Variants in ZFYVE28 observed in about 807,000 individuals in gnomAD.
ZFYVE28 encodes zinc finger FYVE-type containing 28, also known as lateral signaling target protein 2 homolog.
A neutral mutation model predicts 82.1 loss-of-function variants in ZFYVE28; 40 were observed. That is an observed-to-expected ratio of 0.49 (90% CI 0.38 to 0.63). The LOEUF is 0.63. Among genes scored for constraint, ZFYVE28 ranks in the 30% least tolerant of loss-of-function variants. ZFYVE28 has a pLI of 0.00. For synonymous variants in ZFYVE28, 612 were observed against 546.1 expected, an observed-to-expected ratio of 1.12 and a Z score of -1.68; for missense variants, 1,321 against 1,242.1, an observed-to-expected ratio of 1.06 and a Z score of -0.96.
chr4:2,306,413 A>C (rs917242183), intron 7 of ZFYVE28, among the ~76,000 whole-genome samples: 1 of 152,082 alleles, frequency 6.6e-6, no homozygotes, highest in Non-Finnish European at 1.5e-5. Context: ...TAGAAGTGAA[A>C]CCCCAACCAG....
At chr4:2,412,435 T>C (rs1397452659) in intron 1 of ZFYVE28, among the ~76,000 whole-genome samples, 2 of 152,054 alleles carry the variant, frequency 1.3e-5, no homozygotes, top group Admixed American at 6.6e-5. Context: ...CTCCCAACAA[T>C]TCCAGAAGGC....
intron 7 of ZFYVE28, among the ~76,000 whole-genome samples, chr4:2,315,372 G>A (rs537762208): frequency 3.3e-5 from 5 of 152,072 alleles, no homozygotes; most frequent in African/African-American, 9.6e-5. Context: ...TGCAACTTCC[G>A]CCTCCCAGGT....
chr4:2,394,735 G>A lies in ZFYVE28; in HGVS notation c.39+23550C>T, dbSNP rs988212589. Among the ~76,000 whole-genome samples, 42 of 152,242 alleles carry A rather than the reference G, an allele frequency of 2.8e-4. No individual in the cohort carries two copies. The highest frequency in any genetic ancestry group is 9.4e-4 in the African/African-American group (39 of 41,464). ...AGGCACCACTCTGCGCAGCTGCATCGATGCCTGACTGCACGTGTGCGTGCT... is the reference window on the plus strand; with the variant it reads ...AGGCACCACTCTGCGCAGCTGCATCAATGCCTGACTGCACGTGTGCGTGCT... On this transcript the variant is annotated intron_variant, in intron 1 of 12. Coordinates refer to ENST00000290974, the MANE Select transcript of ZFYVE28 (RefSeq NM_020972.3). The surrounding 1 kb of genome is among the most constrained non-coding windows in gnomAD (Gnocchi z 4.0).
At chr4:2,391,574 T>A (rs537356450) in intron 1 of ZFYVE28, among the ~76,000 whole-genome samples, 1 of 145,554 alleles carries the variant, frequency 6.9e-6, no homozygotes, top group South Asian at 2.4e-4. Flanking sequence ...TGTACCACCA[T>A]CCCCACCATC....
At position 2,414,599 on chromosome 4, in the gene ZFYVE28, C is replaced by A. The variant is rs1340413756; in HGVS notation, c.39+3686G>T. ...TGGTAACCAGCCACATGGGAACTAC[C>A]CCATCCACCCAGCCAGCATAACCCA... On this transcript the variant is annotated intron_variant, in intron 1 of 12. Transcript: ENST00000290974. 2.0e-5 allele frequency among the ~76,000 whole-genome samples: 3 copies of A among 152,192 alleles called. No individual in the cohort carries two copies. The East Asian group carries it at 5.8e-4, about 29-fold the overall frequency.
intron 8 of ZFYVE28, among the ~76,000 whole-genome samples, chr4:2,298,901 T>C (rs1478425416): frequency 1.3e-5 from 2 of 152,102 alleles, no homozygotes; most frequent in Non-Finnish European, 1.5e-5. Context: ...GCAGGATTGA[T>C]GGCAAAAAAC....
intron 8 of ZFYVE28, chr4:2,286,553 C>T (rs1241046957): frequency 6.6e-6 from 1 of 152,326 alleles, no homozygotes; most frequent in Non-Finnish European, 1.5e-5. Flanking sequence ...GCACAGAACC[C>T]AGCTGTGCTG....
At chr4:2,389,878 A>G (rs1729648765) in intron 1 of ZFYVE28, among the ~76,000 whole-genome samples, 2 of 152,160 alleles carry the variant, frequency 1.3e-5, no homozygotes, top group Non-Finnish European at 2.9e-5. Context: ...GCATGCTGAC[A>G]CAGCGTCCCC....
chr4:2,306,350 G>C (rs1450580219), intron 7 of ZFYVE28, among the ~76,000 whole-genome samples: 1 of 152,256 alleles, frequency 6.6e-6, no homozygotes, highest in African/African-American at 2.4e-5. Context: ...GCTTTGCAGA[G>C]CTGGGCAGAA....
At position 2,305,540 on chromosome 4, in the gene ZFYVE28, C is replaced by T. The variant is rs770526146; in HGVS notation, c.804-4G>A. 50 of 1,612,774 alleles carry T rather than the reference C, an allele frequency of 3.1e-5. No homozygotes were observed. The highest frequency in any genetic ancestry group is 3.0e-4 in the Admixed American group (18 of 59,996). On this transcript the variant is annotated splice_region_variant and splice_polypyrimidine_tract_variant and intron_variant, in intron 7 of 12. Coordinates refer to ENST00000290974, the MANE Select transcript of ZFYVE28 (RefSeq NM_020972.3). Reference sequence around the variant, plus strand: ...CGTCAGCGTCTGCAGCAAATCCCTACGAATCAAGACAAAACCCAAGGGTGA... The same window carrying T: ...CGTCAGCGTCTGCAGCAAATCCCTATGAATCAAGACAAAACCCAAGGGTGA...
At chr4:2,283,244 C>T (rs1301369550) in intron 8 of ZFYVE28, among the ~76,000 whole-genome samples, 1 of 151,768 alleles carries the variant, frequency 6.6e-6, no homozygotes, top group Non-Finnish European at 1.5e-5. Context: ...ATCCATCCAT[C>T]TATCCACCCA....
chr4:2,412,172 C>T (rs1732591964), intron 1 of ZFYVE28, among the ~76,000 whole-genome samples: 1 of 152,182 alleles, frequency 6.6e-6, no homozygotes, highest in Non-Finnish European at 1.5e-5. Flanking sequence ...CGCCACCTAC[C>T]AGAAAAAGGC....
chr4:2,319,845 C>T (rs1327288966), intron 7 of ZFYVE28, among the ~76,000 whole-genome samples: 22 of 91,404 alleles, frequency 2.4e-4, no homozygotes, highest in South Asian at 1.1e-3. Context: ...ACGGTGGGGA[C>T]GGTGGGGATG....
At position 2,310,208 on chromosome 4, in the gene ZFYVE28, T is replaced by C. The variant is rs80006560; in HGVS notation, c.804-4672A>G. Among the ~76,000 whole-genome samples, 981 of 152,134 alleles carry C rather than the reference T, an allele frequency of 6.4e-3. 15 individuals carry two copies. The highest frequency in any genetic ancestry group is 0.023 in the African/African-American group (935 of 41,500). ...TGTGTACCACCATGCTCAACTAATT[T>C]GTAAATTTTTTGTAGAGATCAGGTC... On this transcript the variant is annotated intron_variant, in intron 7 of 12. Coordinates refer to ENST00000290974, the MANE Select transcript of ZFYVE28 (RefSeq NM_020972.3).
At chr4:2,410,306 T>C (rs2108686068) in intron 1 of ZFYVE28, among the ~76,000 whole-genome samples, 1 of 152,290 alleles carries the variant, frequency 6.6e-6, no homozygotes, top group Admixed American at 6.5e-5. Flanking sequence ...ACCGCCGATC[T>C]GCTTTCTGTC....
At chr4:2,272,459 C>T (rs1447446307) in intron 10 of ZFYVE28, among the ~76,000 whole-genome samples, 4 of 152,224 alleles carry the variant, frequency 2.6e-5, no homozygotes, top group Non-Finnish European at 5.9e-5. Flanking sequence ...CCTAACCAGT[C>T]CCTGCCTTCT....
Position 2,399,508 on chromosome 4 carries a change from C to T in ZFYVE28, c.39+18777G>A, listed in dbSNP as rs1010998378. On this transcript the variant is annotated intron_variant, in intron 1 of 12. Coordinates refer to ENST00000290974, the MANE Select transcript of ZFYVE28 (RefSeq NM_020972.3). Reference sequence around the variant, plus strand: ...CTCGCAAGAAAGCACCCAGGAAGGCCGGGGCCTCTGACATCTGGTTTTCTG... The same window carrying T: ...CTCGCAAGAAAGCACCCAGGAAGGCTGGGGCCTCTGACATCTGGTTTTCTG... Among the ~76,000 whole-genome samples, 8 of 152,170 alleles carry T rather than the reference C, an allele frequency of 5.3e-5. No individual in the cohort carries two copies. The South Asian group carries it at 6.2e-4, about 12-fold the overall frequency.
intron 1 of ZFYVE28, among the ~76,000 whole-genome samples, chr4:2,373,793 C>T (rs779746751): frequency 6.6e-6 from 1 of 152,204 alleles, no homozygotes; most frequent in Non-Finnish European, 1.5e-5. Flanking sequence ...GCATACCACA[C>T]GGTTTTAGTA....
In ZFYVE28 at chr4:2,408,277, T is replaced by A. The variant is rs1048464386; in HGVS notation, c.39+10008A>T. On this transcript the variant is annotated intron_variant, in intron 1 of 12. Coordinates refer to ENST00000290974, the MANE Select transcript of ZFYVE28 (RefSeq NM_020972.3). This position sits in a 1 kb window ranked among gnomAD's most constrained non-coding sequence, Gnocchi z 4.3. ...CCAAGAACATCCTACCAAGCCAGCA[T>A]TTCCCTGCATCCCCACACCTGCCCT... Among the ~76,000 whole-genome samples the A allele has an allele frequency of 6.6e-6, 1 of 152,020 alleles. No individual in the cohort carries two copies. Among genetic ancestry groups the A allele is most frequent in the African/African-American group, 2.4e-5 (1 of 41,390 alleles).
Sources: allele counts gnomAD v4.1 joint callset (sites outside exome capture counted in the v4.1 genomes callset), GRCh38; gene constraint gnomAD v4.1.1; non-coding constraint Gnocchi (gnomAD v3.1); transcripts MANE v1.5; gene names NCBI Gene and HGNC (gene_info 2026-07-23, HGNC 2026-07-21).